Variants in ANKMY2 observed in about 807,000 individuals in gnomAD.
ANKMY2 encodes the protein ankyrin repeat and MYND domain-containing protein 2.
In ANKMY2, 36 loss-of-function variants were observed where a neutral mutation model predicts 50.4. That is an observed-to-expected ratio of 0.71 (90% CI 0.55 to 0.94). ANKMY2 has a LOEUF of 0.94. Ranked by LOEUF, ANKMY2 falls within the 40% of genes least tolerant of loss-of-function variation. The pLI, the probability that ANKMY2 is intolerant of heterozygous loss-of-function variation, is 0.00. For synonymous variants in ANKMY2, 187 were observed against 178.8 expected, an observed-to-expected ratio of 1.05 and a Z score of -0.36; for missense variants, 565 against 524.0, an observed-to-expected ratio of 1.08 and a Z score of -0.76.
intron 4 of ANKMY2, among the ~76,000 whole-genome samples, chr7:16,618,168 T>C (rs1781384658): frequency 6.6e-6 from 1 of 152,010 alleles, no homozygotes; most frequent in African/African-American, 2.4e-5. Flanking sequence ...TCAGGTGATC[T>C]GCCTGCCTTA....
chr7:16,645,187 G>C (rs1258831688), intron 1 of ANKMY2, among the ~76,000 whole-genome samples: 1 of 152,100 alleles, frequency 6.6e-6, no homozygotes, highest in East Asian at 1.9e-4. Context: ...GAGCAGTGAA[G>C]AATTCACACA....
chr7:16,623,533 T>C lies in ANKMY2; in HGVS notation c.370+1450A>G, dbSNP rs146385431. The stretch of plus-strand genomic sequence containing the variant: ...TATAATGAAAACTTGTACAGTTAAA[T>C]AGAAGTTCAGAGATCACCTAATTCC... On this transcript the variant is annotated intron_variant, in intron 4 of 9. Transcript: ENST00000306999. Among the ~76,000 whole-genome samples, 614 of 152,296 alleles carry C rather than the reference T, an allele frequency of 4.0e-3. 6 individuals carry two copies. The highest frequency in any genetic ancestry group is 0.014 in the African/African-American group (572 of 41,558).
chr7:16,636,385 T>C lies in ANKMY2; in HGVS notation c.132+6A>G. The C allele has an allele frequency of 1.3e-6, 2 of 1,491,508 alleles. No individual in the cohort carries two copies. The highest frequency in any genetic ancestry group is 1.8e-6 in the Non-Finnish European group (2 of 1,109,714). The allele number at this position is 1,491,508 out of a possible 1,614,324, so 92.4% of individuals were successfully genotyped here. ...AAAATCCTTTATTAAACTTCTAAAA[T>C]CTTACCTCGTCCAAACAGTTGACAC... On this transcript the variant is annotated splice_donor_region_variant and intron_variant, in intron 2 of 9. Coordinates refer to ENST00000306999, the MANE Select transcript of ANKMY2 (RefSeq NM_020319.3).
rs1359254543 is a variant in ANKMY2, at chr7:16,610,719, T to G, written c.576A>C (p.Ala192=). ...VNENPLLTEE[A]ALNKCYRVMD... is the part of the protein sequence containing the mutation. The stretch of plus-strand genomic sequence containing the variant: ...TCACTCTGTAGCATTTATTCAGGGC[T>G]GCTTCTTCTGTCAGCAGAGGATTCT... The change falls in exon 6 of 10, where the codon GCA becomes GCC. Residue 192 remains alanine (A), a synonymous_variant. Transcript: ENST00000306999. The G allele has an allele frequency of 6.2e-7, 1 of 1,613,854 alleles. No homozygotes were observed. The highest frequency in any genetic ancestry group is 1.7e-5 in the Admixed American group (1 of 60,002).
At chr7:16,623,565 T>G (rs1425594430) in intron 4 of ANKMY2, among the ~76,000 whole-genome samples, 2 of 152,142 alleles carry the variant, frequency 1.3e-5, no homozygotes, top group African/African-American at 4.8e-5. Flanking sequence ...TTCCCCTGCT[T>G]CTTTGCATAC....
At chr7:16,619,021 T>G (rs1169377446) in intron 4 of ANKMY2, among the ~76,000 whole-genome samples, 1 of 152,242 alleles carries the variant, frequency 6.6e-6, no homozygotes, top group Non-Finnish European at 1.5e-5. Flanking sequence ...AATTAGCTTA[T>G]AACTGTATCT....
At chr7:16,608,688 G>A (rs113666777) in intron 7 of ANKMY2, among the ~76,000 whole-genome samples, 41 of 152,184 alleles carry the variant, frequency 2.7e-4, no homozygotes, top group Middle Eastern at 6.8e-3. Flanking sequence ...TATAGATAGG[G>A]TAAACAAAAA....
Position 16,627,172 on chromosome 7 carries a change from T to A in ANKMY2, c.139A>T (p.Met47Leu). The A allele has an allele frequency of 6.3e-7, 1 of 1,580,496 alleles. No homozygotes were observed. The highest frequency in any genetic ancestry group is 8.6e-7 in the Non-Finnish European group (1 of 1,160,286). Residue 47 changes from methionine to leucine, a missense_variant, in exon 3 of 10, where the codon ATG becomes TTG. Transcript: ENST00000306999. ...TATGCTGCATGCATTAGAGGAGTCA[T>A]TCCATTCTTTAATAGAAAGAGGAAA... ...VRVNCLDENG[M>L]TPLMHAAYKG...
chr7:16,619,398 C>T (rs868144387), intron 4 of ANKMY2, among the ~76,000 whole-genome samples: 5 of 152,122 alleles, frequency 3.3e-5, no homozygotes, highest in South Asian at 2.1e-4. Context: ...AGGTGATCCG[C>T]CCGCCTTGGC....
chr7:16,622,122 G>C (rs575028393), intron 4 of ANKMY2, among the ~76,000 whole-genome samples: 28 of 151,934 alleles, frequency 1.8e-4, no homozygotes, highest in African/African-American at 6.8e-4. Context: ...GGAGGAGGAG[G>C]AAGAGGAGGA....
At position 16,600,083 on chromosome 7, in the gene ANKMY2, C is replaced by T. The variant is rs1268535743; in HGVS notation, c.*678G>A. 6.6e-6 allele frequency: 1 copy of T among 152,152 alleles called. No homozygotes were observed. Among genetic ancestry groups the T allele is most frequent in the Non-Finnish European group, 1.5e-5 (1 of 68,044 alleles). The allele number at this position is 152,152 out of a possible 1,614,324, so 9.4% of individuals were successfully genotyped here. A position where few individuals can be genotyped will look rare whatever the true frequency, so the allele number is the denominator to read the frequency against. ...GTTTCAGGAAGTACCTTTTTTAATG[C>T]ATACGCTGAGAGAACCGTCAATATG... On this transcript the variant is annotated 3_prime_UTR_variant, in exon 10 of 10. Transcript: ENST00000306999.
intron 1 of ANKMY2, among the ~76,000 whole-genome samples, chr7:16,642,255 G>A (rs924036306): frequency 5.9e-5 from 9 of 152,152 alleles, no homozygotes; most frequent in African/African-American, 2.2e-4. Context: ...TTTCATAATA[G>A]TGCTTGCTCT....
intron 4 of ANKMY2, among the ~76,000 whole-genome samples, chr7:16,624,238 C>T (rs999574218): frequency 6.6e-6 from 1 of 152,188 alleles, no homozygotes; most frequent in African/African-American, 2.4e-5. Flanking sequence ...ACTTACTGCA[C>T]TCCCAATAAA....
intron 1 of ANKMY2, among the ~76,000 whole-genome samples, chr7:16,644,222 A>G (rs1246006887): frequency 1.3e-5 from 2 of 152,232 alleles, no homozygotes; most frequent in East Asian, 3.9e-4. Flanking sequence ...GACAGGAAGA[A>G]CTGAAAGACT....
At chr7:16,603,652 T>A (rs1230051289) in intron 8 of ANKMY2, 2 of 471,194 alleles carry the variant, frequency 4.2e-6, no homozygotes, top group Middle Eastern at 6.5e-4. Context: ...GATTTCAAAG[T>A]TCTCTGCACT....
chr7:16,611,709 T>C (rs1781256457), intron 5 of ANKMY2, among the ~76,000 whole-genome samples: 1 of 152,238 alleles, frequency 6.6e-6, no homozygotes, highest in African/African-American at 2.4e-5. Context: ...CTTGTCTTCC[T>C]GTTTGACTCA....
intron 4 of ANKMY2, among the ~76,000 whole-genome samples, chr7:16,621,874 C>G (rs1322386711): frequency 6.6e-6 from 1 of 151,926 alleles, no homozygotes; most frequent in African/African-American, 2.4e-5. Context: ...GAGGCTGAGG[C>G]AGGAGAATCG....
intron 1 of ANKMY2, 87 bp downstream of exon 1, chr7:16,645,420 G>GTCC (rs1781821646): frequency 1.5e-6 from 2 of 1,331,502 alleles, no homozygotes; most frequent in East Asian, 5.2e-5. Flanking sequence ...CGCAGCCAAA[G>GTCC]GTCACCCAGG....
chr7:16,618,201 C>A (rs1252093739), intron 4 of ANKMY2, among the ~76,000 whole-genome samples: 1 of 152,070 alleles, frequency 6.6e-6, no homozygotes, highest in South Asian at 2.1e-4. Context: ...GCTGGGATTA[C>A]AGGCGTGAGC....
Sources: allele counts gnomAD v4.1 joint callset (sites outside exome capture counted in the v4.1 genomes callset), GRCh38; gene constraint gnomAD v4.1.1; transcripts MANE v1.5; gene names NCBI Gene and HGNC (gene_info 2026-07-23, HGNC 2026-07-21).